ANKFN1: variants seen among roughly 807,000 people sequenced by gnomAD.
ANKFN1 encodes ankyrin repeat and fibronectin type III domain containing 1.
In ANKFN1, 74 loss-of-function variants were observed where a neutral mutation model predicts 108.7. That is an observed-to-expected ratio of 0.68 (90% CI 0.56 to 0.83). The LOEUF (loss-of-function observed/expected upper bound fraction) is 0.83, where lower values mean the gene tolerates loss of function less well. Among genes scored for constraint, ANKFN1 ranks in the 40% least tolerant of loss-of-function variants. ANKFN1 has a pLI of 0.00. For missense variants in ANKFN1, 1,505 were observed against 1,382.3 expected, an observed-to-expected ratio of 1.09 and a Z score of -1.41; for synonymous variants, 547 against 516.2, an observed-to-expected ratio of 1.06 and a Z score of -0.81.
At chr17:56,057,641 C>A (rs760256226) in intron 4 of ANKFN1, among the ~76,000 whole-genome samples, 5 of 152,112 alleles carry the variant, frequency 3.3e-5, no homozygotes, top group African/African-American at 4.8e-5. Flanking sequence ...CAAAAATTAG[C>A]CGGGTCTCAT....
intron 3 of ANKFN1, among the ~76,000 whole-genome samples, chr17:56,309,751 C>A (rs1001774186): frequency 2.0e-5 from 3 of 152,122 alleles, no homozygotes; most frequent in African/African-American, 4.8e-5. Flanking sequence ...ATAAATGAGG[C>A]ACAGTAAGTT....
chr17:56,354,123 A>G (rs1380631022), intron 6 of ANKFN1, 77 bp downstream of exon 6: 1 of 1,401,902 alleles, frequency 7.1e-7, no homozygotes, highest in Non-Finnish European at 9.8e-7. Flanking sequence ...GCCATTGCTG[A>G]CTTTCAGAGC....
chr17:56,381,315 G>A (rs976184854), intron 8 of ANKFN1, among the ~76,000 whole-genome samples: 4 of 152,102 alleles, frequency 2.6e-5, no homozygotes, highest in African/African-American at 4.8e-5. Context: ...ACCAAAAGTC[G>A]ATAAAACCAC....
chr17:56,374,834 G>A, intron 8 of ANKFN1, 120 bp downstream of exon 8: 8 of 749,112 alleles, frequency 1.1e-5, no homozygotes, highest in Non-Finnish European at 1.7e-5. Flanking sequence ...TTATCCCATT[G>A]ACTTTTGAAG....
At chr17:56,361,490 CA>C (rs1188323729) in intron 6 of ANKFN1, among the ~76,000 whole-genome samples, 3 of 151,946 alleles carry the variant, frequency 2.0e-5, no homozygotes, top group African/African-American at 7.2e-5. Context: ...CTTCAAATCC[CA>C]CATCTGACCT....
chr17:56,164,254 C>G (rs1226431703), intron 1 of ANKFN1, among the ~76,000 whole-genome samples: 1 of 152,184 alleles, frequency 6.6e-6, no homozygotes. Flanking sequence ...TAGATGACTT[C>G]TACTCATGTG....
chr17:56,353,856 C>A lies in ANKFN1; in HGVS notation c.411C>A (p.Ala137=). Residue 137 remains alanine (A), a synonymous_variant, in exon 6 of 21, where the codon GCC becomes GCA. Transcript: ENST00000682825. ...TCTAGAATTTCCAGGGCAATGAAGCCATGTTTGAGGCAGTCGAACAGCAGG... is the reference window on the plus strand; with the variant it reads ...TCTAGAATTTCCAGGGCAATGAAGCAATGTTTGAGGCAGTCGAACAGCAGG... ...KTSVNFQGNE[A]MFEAVEQQDM... is the part of the protein sequence containing the mutation. The A allele has an allele frequency of 6.2e-7, 1 of 1,613,936 alleles. No homozygotes were observed. The highest frequency in any genetic ancestry group is 8.5e-7 in the Non-Finnish European group (1 of 1,179,940).
intron 8 of ANKFN1, among the ~76,000 whole-genome samples, chr17:56,407,703 T>A (rs1461026714): frequency 6.6e-6 from 1 of 152,124 alleles, no homozygotes; most frequent in African/African-American, 2.4e-5. Context: ...GAAAATAGAT[T>A]AGAACACTAT....
intron 3 of ANKFN1, among the ~76,000 whole-genome samples, chr17:56,325,482 G>A (rs927190535): frequency 1.3e-5 from 2 of 152,172 alleles, no homozygotes; most frequent in Admixed American, 1.3e-4. Context: ...GAAAGGAGCC[G>A]GGTATACCCA....
intron 3 of ANKFN1, among the ~76,000 whole-genome samples, chr17:56,288,758 G>A (rs1032928644): frequency 6.6e-5 from 10 of 152,070 alleles, no homozygotes; most frequent in African/African-American, 2.2e-4. Context: ...AAAAAGGTCC[G>A]GTGTGCCTCC....
At chr17:56,142,785 G>A (rs1908002683) in intron 4 of ANKFN1, among the ~76,000 whole-genome samples, 1 of 152,166 alleles carries the variant, frequency 6.6e-6, no homozygotes, top group Non-Finnish European at 1.5e-5. Flanking sequence ...GTGTTTTGCT[G>A]TAGGAGTTTT....
At chr17:56,159,979 G>A (rs1292352364) in intron 1 of ANKFN1, among the ~76,000 whole-genome samples, 2 of 152,106 alleles carry the variant, frequency 1.3e-5, no homozygotes, top group East Asian at 3.9e-4. Flanking sequence ...GCAGAGAGAT[G>A]GGAGGGGTGG....
At chr17:56,108,857 C>T (rs1317588433) in intron 4 of ANKFN1, among the ~76,000 whole-genome samples, 1 of 152,220 alleles carries the variant, frequency 6.6e-6, no homozygotes, top group East Asian at 1.9e-4. Context: ...CGGCATCTTT[C>T]TGAATTCTTT....
intron 3 of ANKFN1, among the ~76,000 whole-genome samples, chr17:56,316,665 T>C (rs1475262951): frequency 2.0e-5 from 3 of 152,062 alleles, no homozygotes; most frequent in Non-Finnish European, 2.9e-5. Flanking sequence ...CAAAAAAATC[T>C]CATTTTGACT....
At chr17:56,276,985 G>A (rs574596537) in intron 3 of ANKFN1, among the ~76,000 whole-genome samples, 1 of 152,182 alleles carries the variant, frequency 6.6e-6, no homozygotes, top group East Asian at 1.9e-4. Flanking sequence ...AGGGAAAGGA[G>A]GCTTCTTAAA....
intron 4 of ANKFN1, among the ~76,000 whole-genome samples, chr17:56,113,077 G>T (rs1394625532): frequency 6.6e-6 from 1 of 152,180 alleles, no homozygotes; most frequent in Non-Finnish European, 1.5e-5. Flanking sequence ...CCTTATGAAA[G>T]TGCTCTGCTA....
At chr17:56,125,964 A>G (rs1024334973) in intron 4 of ANKFN1, among the ~76,000 whole-genome samples, 2 of 152,180 alleles carry the variant, frequency 1.3e-5, no homozygotes, top group Admixed American at 1.3e-4. Flanking sequence ...GAAGACTATG[A>G]GCCACAGAAA....
intron 8 of ANKFN1, among the ~76,000 whole-genome samples, chr17:56,401,443 G>A (rs2047763553): frequency 6.6e-6 from 1 of 151,720 alleles, no homozygotes; most frequent in South Asian, 2.1e-4. Flanking sequence ...ATATTTTGCA[G>A]CTATTGTAAA....
chr17:56,239,289 A>C (rs897567518), intron 3 of ANKFN1, among the ~76,000 whole-genome samples: 13 of 152,182 alleles, frequency 8.5e-5, no homozygotes, highest in African/African-American at 2.9e-4. Context: ...AAATACAGTT[A>C]GATAGAAGGG....
Sources: allele counts gnomAD v4.1 joint callset (sites outside exome capture counted in the v4.1 genomes callset), GRCh38; gene constraint gnomAD v4.1.1; transcripts MANE v1.5; gene names NCBI Gene and HGNC (gene_info 2026-07-23, HGNC 2026-07-21).